The following DPYD variants were observed in gnomAD, a reference collection of about 807,000 sequenced individuals.
DPYD encodes the protein dihydropyrimidine dehydrogenase, also known as dihydropyrimidine dehydrogenase [NADP(+)].
In DPYD, 109 loss-of-function variants were observed where a neutral mutation model predicts 116.2. That is an observed-to-expected ratio of 0.94 (90% CI 0.80 to 1.10). DPYD has a LOEUF of 1.10. DPYD is among the 50% of genes least tolerant of loss of function. DPYD has a pLI of 0.00. For missense variants in DPYD, 1,302 were observed against 1,254.5 expected (o/e 1.04, Z -0.57); for synonymous variants, 440 against 432.0 (o/e 1.02, Z -0.23).
chr1:97,605,482 G>C (rs1031508848), intron 8 of DPYD, among the ~76,000 whole-genome samples: 1 of 152,000 alleles, frequency 6.6e-6, no homozygotes, highest in Non-Finnish European at 1.5e-5. Context: ...TGTGAGTAAG[G>C]TGCTTGCTTC....
chr1:97,496,357 A>C (rs1003405722), intron 13 of DPYD, among the ~76,000 whole-genome samples: 1 of 152,028 alleles, frequency 6.6e-6, no homozygotes, highest in Non-Finnish European at 1.5e-5. Flanking sequence ...ATAATTTGTC[A>C]ATGAACATGT....
In DPYD at chr1:97,449,981, G is replaced by C. The variant is rs560911507; in HGVS notation, c.1905+78C>G. The C allele has an allele frequency of 8.6e-5, 132 of 1,535,184 alleles. 2 individuals are homozygous for C. The South Asian group carries it at 1.4e-3, about 16-fold the overall frequency. ...AAAATATACACATTAATATTTATAA[G>C]CCTATGAATTGGATGTTTAAATAAA... is the stretch of plus-strand genomic sequence containing the variant. On this transcript the variant is annotated intron_variant, in intron 14 of 22. Transcript: ENST00000370192.
At chr1:97,395,662 C>G (rs1157953300) in intron 14 of DPYD, among the ~76,000 whole-genome samples, 3 of 152,034 alleles carry the variant, frequency 2.0e-5, no homozygotes, top group African/African-American at 7.2e-5. Flanking sequence ...TTCGGAAGGA[C>G]TCCCATCAAG....
intron 13 of DPYD, among the ~76,000 whole-genome samples, chr1:97,466,283 C>G (rs189483480): frequency 7.5e-4 from 114 of 152,304 alleles, no homozygotes; most frequent in African/African-American, 2.7e-3. Context: ...ATCTTCCTAT[C>G]ACTTTGGTTA....
intron 13 of DPYD, among the ~76,000 whole-genome samples, chr1:97,496,029 T>C (rs1485283240): frequency 6.6e-6 from 1 of 152,112 alleles, no homozygotes; most frequent in Non-Finnish European, 1.5e-5. Flanking sequence ...CCTGCTTCAG[T>C]AACTGCACAG....
intron 8 of DPYD, among the ~76,000 whole-genome samples, chr1:97,623,347 G>C (rs1423740531): frequency 1.3e-5 from 2 of 152,098 alleles, no homozygotes; most frequent in East Asian, 3.9e-4. Flanking sequence ...CATAAAGCTA[G>C]AGCAGGCTGT....
chr1:97,120,285 C>T (rs1301827974), intron 20 of DPYD, among the ~76,000 whole-genome samples: 1 of 152,098 alleles, frequency 6.6e-6, no homozygotes, highest in Non-Finnish European at 1.5e-5. Context: ...TCATCTTAAT[C>T]TCTTCTTTTC....
At chr1:97,340,771 T>C (rs115722289) in intron 16 of DPYD, among the ~76,000 whole-genome samples, 4 of 152,308 alleles carry the variant, frequency 2.6e-5, no homozygotes, top group Non-Finnish European at 4.4e-5. Flanking sequence ...AGTAAATACG[T>C]AGATAAGTTG....
chr1:97,783,043 A>T (rs1009750298), intron 3 of DPYD, among the ~76,000 whole-genome samples: 1 of 152,236 alleles, frequency 6.6e-6, no homozygotes, highest in Non-Finnish European at 1.5e-5. Context: ...GCTAGCTGTT[A>T]TAATCCCTGT....
chr1:97,769,872 C>A (rs1666054152), intron 3 of DPYD, among the ~76,000 whole-genome samples: 1 of 152,126 alleles, frequency 6.6e-6, no homozygotes, highest in Non-Finnish European at 1.5e-5. Flanking sequence ...GGGAACAAAT[C>A]AGTGAACAAA....
intron 20 of DPYD, among the ~76,000 whole-genome samples, chr1:97,104,843 C>T (rs1188147559): frequency 5.9e-5 from 9 of 152,026 alleles, no homozygotes; most frequent in Admixed American, 5.2e-4. Flanking sequence ...GTGATGAAGT[C>T]GGATCATGAA....
chr1:97,136,741 A>G (rs1420343853), intron 20 of DPYD, among the ~76,000 whole-genome samples: 1 of 152,174 alleles, frequency 6.6e-6, no homozygotes, highest in Non-Finnish European at 1.5e-5. Context: ...TGTCAGTAAA[A>G]ATAAGGTGCT....
intron 10 of DPYD, 83 bp from the exon 11 acceptor site, chr1:97,574,053 C>A: frequency 6.4e-7 from 1 of 1,561,514 alleles, no homozygotes; most frequent in Non-Finnish European, 8.7e-7. Flanking sequence ...ATTACACATG[C>A]TAAAGCTTAT....
At chr1:97,282,546 A>G (rs1665393991) in intron 18 of DPYD, among the ~76,000 whole-genome samples, 1 of 152,154 alleles carries the variant, frequency 6.6e-6, no homozygotes, top group African/African-American at 2.4e-5. Flanking sequence ...ATTTACTAGT[A>G]TAAAATTTTT....
intron 3 of DPYD, among the ~76,000 whole-genome samples, chr1:97,760,513 A>G (rs1490790567): frequency 6.6e-6 from 1 of 152,168 alleles, no homozygotes; most frequent in Admixed American, 6.6e-5. Context: ...TAGGTATATG[A>G]GTAATCTAGA....
chr1:97,567,088 C>T (rs777820094), intron 11 of DPYD, among the ~76,000 whole-genome samples: 4 of 152,016 alleles, frequency 2.6e-5, no homozygotes, highest in Non-Finnish European at 5.9e-5. Context: ...TGAATTTTTG[C>T]ATCGTAAGAA....
chr1:97,427,647 A>G (rs919032052), intron 14 of DPYD, among the ~76,000 whole-genome samples: 2 of 151,768 alleles, frequency 1.3e-5, no homozygotes, highest in Non-Finnish European at 2.9e-5. Flanking sequence ...GTCTGTTCCC[A>G]TAGTTAACCT....
intron 11 of DPYD, among the ~76,000 whole-genome samples, chr1:97,558,344 T>C (rs1651899381): frequency 6.6e-6 from 1 of 152,136 alleles, no homozygotes; most frequent in Non-Finnish European, 1.5e-5. Flanking sequence ...CTAGTATATG[T>C]TTTTTGGTCA....
At chr1:97,552,898 C>T (rs1433322591) in intron 11 of DPYD, among the ~76,000 whole-genome samples, 1 of 151,938 alleles carries the variant, frequency 6.6e-6, no homozygotes, top group Non-Finnish European at 1.5e-5. Flanking sequence ...GCTGAGAGAT[C>T]ACACAGCTGG....
Sources: allele counts gnomAD v4.1 joint callset (sites outside exome capture counted in the v4.1 genomes callset), GRCh38; gene constraint gnomAD v4.1.1; transcripts MANE v1.5; gene names NCBI Gene and HGNC (gene_info 2026-07-23, HGNC 2026-07-21).